Variants in EBPL observed in about 807,000 individuals in gnomAD.
The protein encoded by EBPL is EBP like, also known as emopamil-binding protein-like.
In EBPL, 20 loss-of-function variants were observed where a neutral mutation model predicts 19.0. The ratio of observed to expected loss-of-function variants is 1.05; its 90% confidence interval spans 0.74 to 1.53. EBPL has a LOEUF of 1.53. Ranked by LOEUF, EBPL falls within the 40% of genes most tolerant of loss-of-function variation. The pLI, the probability that EBPL is intolerant of heterozygous loss-of-function variation, is 0.00. For missense variants in EBPL, 219 were observed against 261.1 expected, an observed-to-expected ratio of 0.84 and a Z score of 1.11; for synonymous variants, 107 against 117.0, an observed-to-expected ratio of 0.91 and a Z score of 0.55.
intron 3 of EBPL, 93 bp downstream of exon 3, chr13:49,662,964 T>C: frequency 7.3e-6 from 11 of 1,497,526 alleles, no homozygotes; most frequent in South Asian, 3.7e-5. Flanking sequence ...ATCTAACAAA[T>C]ATATGTGGTC....
intron 1 of EBPL, among the ~76,000 whole-genome samples, chr13:49,675,883 T>A (rs569849203): frequency 6.6e-6 from 1 of 151,840 alleles, no homozygotes; most frequent in African/African-American, 2.4e-5. Flanking sequence ...TTATTGTTTT[T>A]TTTTTTTTAA....
At chr13:49,667,365 C>G (rs1965243987) in intron 2 of EBPL, among the ~76,000 whole-genome samples, 1 of 152,100 alleles carries the variant, frequency 6.6e-6, no homozygotes, top group South Asian at 2.1e-4. Context: ...GGTAGATTTC[C>G]TCAACCAGAG....
Position 49,689,878 on chromosome 13 carries a change from G to A in EBPL, c.171+1376C>T, listed in dbSNP as rs1430919395. Reference sequence around the variant, plus strand: ...TCAATTCTCGGCTGGTGGCGGTGGCGGTGGCTCACGCCTGTCATCCCAGCA... The same window carrying A: ...TCAATTCTCGGCTGGTGGCGGTGGCAGTGGCTCACGCCTGTCATCCCAGCA... On this transcript the variant is annotated intron_variant, in intron 1 of 3. Coordinates refer to ENST00000242827, the MANE Select transcript of EBPL (RefSeq NM_032565.5). 2.6e-5 allele frequency among the ~76,000 whole-genome samples: 4 copies of A among 152,010 alleles called. No homozygotes were observed. In the South Asian group the frequency reaches 8.3e-4, roughly 32 times the overall value.
intron 1 of EBPL, among the ~76,000 whole-genome samples, chr13:49,690,678 G>A (rs1954053078): frequency 3.3e-5 from 5 of 152,152 alleles, no homozygotes; most frequent in African/African-American, 1.2e-4. Context: ...TGTGGCACTG[G>A]AAAGTCACCT....
chr13:49,663,526 C>T (rs191567385), intron 2 of EBPL, among the ~76,000 whole-genome samples: 72 of 152,324 alleles, frequency 4.7e-4, no homozygotes, highest in African/African-American at 1.6e-3. Flanking sequence ...TTTGCAAAGA[C>T]AATCTCCAGT....
At chr13:49,685,709 C>T (rs1953989290) in intron 1 of EBPL, among the ~76,000 whole-genome samples, 1 of 152,048 alleles carries the variant, frequency 6.6e-6, no homozygotes, top group Admixed American at 6.6e-5. Flanking sequence ...CGTGTCTCTA[C>T]TAAAAATACA....
intron 1 of EBPL, among the ~76,000 whole-genome samples, chr13:49,684,337 C>T (rs1269954551): frequency 1.3e-5 from 2 of 152,198 alleles, no homozygotes; most frequent in Non-Finnish European, 1.5e-5. Context: ...ATAGGTATAT[C>T]TCAACAGCTT....
intron 1 of EBPL, among the ~76,000 whole-genome samples, chr13:49,689,043 TATAAG>T (rs1163753907): frequency 2.0e-5 from 3 of 152,200 alleles, no homozygotes; most frequent in Non-Finnish European, 4.4e-5. Flanking sequence ...ATTCATCAAA[TATAAG>T]ATACATCCCA....
chr13:49,683,413 C>T (rs1033323636), intron 1 of EBPL, among the ~76,000 whole-genome samples: 1 of 152,042 alleles, frequency 6.6e-6, no homozygotes, highest in African/African-American at 2.4e-5. Context: ...CCTGTATAGT[C>T]CCAGCTACTT....
Position 49,660,681 on chromosome 13 carries a change from A to G in EBPL, c.*287T>C. The G allele has an allele frequency of 6.9e-6, 2 of 290,928 alleles. No individual in the cohort carries two copies. Among genetic ancestry groups the G allele is most frequent in the Non-Finnish European group, 1.3e-5 (2 of 157,606 alleles). The allele number at this position is 290,928 out of a possible 1,614,324, so 18.0% of individuals were successfully genotyped here. On this transcript the variant is annotated 3_prime_UTR_variant, in exon 4 of 4. Transcript: ENST00000242827. The stretch of plus-strand genomic sequence containing the variant: ...TAATATAACACTGCAGTATTCTAAG[A>G]TAATTGGTTTTACTAATGTGGAACA...
chr13:49,685,012 T>C (rs1193013475), intron 1 of EBPL, among the ~76,000 whole-genome samples: 1 of 152,108 alleles, frequency 6.6e-6, no homozygotes, highest in Non-Finnish European at 1.5e-5. Context: ...CTCAAACGAT[T>C]CTCCTGCCTC....
chr13:49,665,145 C>A (rs908827614), intron 2 of EBPL, among the ~76,000 whole-genome samples: 9 of 144,516 alleles, frequency 6.2e-5, no homozygotes, highest in African/African-American at 2.1e-4. Context: ...AGGAGTCTCA[C>A]TGTTACCCAG....
At chr13:49,688,718 C>CA (rs56059575) in intron 1 of EBPL, among the ~76,000 whole-genome samples, 14,451 of 94,930 alleles carry the variant, frequency 0.15, 1,803 homozygotes, top group East Asian at 0.56. Context: ...GACTCCGTCT[C>CA]AAAAAAAAAA....
chr13:49,684,619 G>A (rs1358341831), intron 1 of EBPL, among the ~76,000 whole-genome samples: 1 of 152,192 alleles, frequency 6.6e-6, no homozygotes, highest in Non-Finnish European at 1.5e-5. Flanking sequence ...AGGCTGTGGC[G>A]AGCTGAGATC....
At chr13:49,673,962 T>TACACATACAC (rs1555300740) in intron 1 of EBPL, among the ~76,000 whole-genome samples, 6 of 143,270 alleles carry the variant, frequency 4.2e-5, no homozygotes, top group African/African-American at 1.5e-4. Context: ...TGGAACTTAA[T>TACACATACAC]ACACACACAC....
intron 1 of EBPL, among the ~76,000 whole-genome samples, chr13:49,688,471 G>A (rs1345067470): frequency 6.6e-6 from 1 of 152,308 alleles, no homozygotes; most frequent in East Asian, 1.9e-4. Context: ...TGTAATCCCA[G>A]CACTTTGGAA....
chr13:49,675,284 G>A (rs987451464), intron 1 of EBPL, among the ~76,000 whole-genome samples: 1 of 152,178 alleles, frequency 6.6e-6, no homozygotes, highest in Non-Finnish European at 1.5e-5. Context: ...TGGTATTTGT[G>A]CACCTAAACA....
chr13:49,668,517 T>A, intron 2 of EBPL: 1 of 299,210 alleles, frequency 3.3e-6, no homozygotes, highest in Non-Finnish European at 6.6e-6. Context: ...GAGCTTGCAG[T>A]GAGCCGAGAT....
chr13:49,678,165 G>A (rs1472335608), intron 1 of EBPL, among the ~76,000 whole-genome samples: 3 of 152,168 alleles, frequency 2.0e-5, no homozygotes, highest in African/African-American at 4.8e-5. Context: ...GTGCGTTTAC[G>A]AACCTTGAGC....
Sources: gnomAD v4.1 joint callset for allele counts (sites outside exome capture counted in the v4.1 genomes callset) on GRCh38, gnomAD v4.1.1 for gene constraint, MANE v1.5 for transcripts, NCBI Gene and HGNC (gene_info 2026-07-23, HGNC 2026-07-21) for gene names.